The following RIF1 variants were observed in gnomAD, a reference collection of about 807,000 sequenced individuals.
RIF1 encodes telomere-associated protein RIF1.
RIF1 carries 45 observed loss-of-function variants against 247.1 expected under a neutral mutation model. The observed-to-expected ratio is 0.18, with a 90% CI of 0.14 to 0.23. The LOEUF (loss-of-function observed/expected upper bound fraction) is 0.23. RIF1 is among the 10% of genes least tolerant of loss of function. RIF1 has a pLI of 1.00. For missense variants in RIF1, 2,967 were observed against 2,862.5 expected (o/e 1.04, Z -0.83); for synonymous variants, 1,087 against 978.8 (o/e 1.11, Z -2.06).
In RIF1 at chr2:151,463,331, A is replaced by T. The variant is rs1696470370; in HGVS notation, c.3811A>T (p.Thr1271Ser). The T allele has an allele frequency of 6.2e-7, 1 of 1,613,762 alleles. No individual in the cohort carries two copies. Among genetic ancestry groups the T allele is most frequent in the African/African-American group, 1.3e-5 (1 of 74,924 alleles). ...ACCAAAAGCAAAGCAAAGAGAAGGG[A>T]CTTTTTCAAAATCTGATTCTGAAAA... is the stretch of plus-strand genomic sequence containing the variant. ...FLPKAKQREG[T>S]FSKSDSEKIV... is the part of the protein sequence containing the mutation. The change falls in exon 30 of 36, where the codon ACT becomes TCT. Residue 1271 changes from threonine to serine, a missense_variant. By Grantham distance (58) the Thr-to-Ser change is moderately conservative. Around this residue, in one of 7 missense-constraint regions of RIF1, gnomAD observed 2,028 missense variants for 1,825.6 expected, o/e 1.11. Transcript: ENST00000444746.
At chr2:151,434,203 C>A (rs2152322047) in intron 10 of RIF1, among the ~76,000 whole-genome samples, 1 of 151,474 alleles carries the variant, frequency 6.6e-6, no homozygotes, top group Admixed American at 6.6e-5. Context: ...AAGTGCTACA[C>A]TGGGTAGATA....
intron 9 of RIF1, chr2:151,491,864 G>A: frequency 9.0e-7 from 1 of 1,116,448 alleles, no homozygotes; most frequent in Non-Finnish European, 1.3e-6. Flanking sequence ...AACCACCAAA[G>A]GATTGAATCA....
the RIF1 span, chr2:151,527,502 C>T: frequency 1.2e-6 from 2 of 1,613,102 alleles, no homozygotes; most frequent in African/African-American, 2.7e-5. Flanking sequence ...GCAGGGATGA[C>T]TTGGCAGCCT....
Position 151,435,487 on chromosome 2 carries a change from A to C in RIF1, c.1102A>C (p.Thr368Pro). The C allele has an allele frequency of 6.2e-7, 1 of 1,610,844 alleles. No individual in the cohort carries two copies. The highest frequency in any genetic ancestry group is 8.5e-7 in the Non-Finnish European group (1 of 1,177,144). ...GGTTTGTGTGCCTCTGATTCAAAGT[A>C]CAATAAGCATTGATTCTAATGCCTC... ...EQVCVPLIQS[T>P]ISIDSNASPQ... Residue 368 changes from threonine to proline, a missense_variant, in exon 11 of 36, where the codon ACA (threonine) becomes CCA (proline). Thr to Pro is a conservative substitution (Grantham distance 38). Around this residue, in one of 7 missense-constraint regions of RIF1, gnomAD observed 369 missense variants for 322.0 expected, o/e 1.15. Transcript: ENST00000444746.
chr2:151,462,289 C>G lies in RIF1; in HGVS notation c.3275C>G (p.Thr1092Ser). 6.3e-7 allele frequency: 1 copy of G among 1,588,864 alleles called. No homozygotes were observed. ...MYNNLDVSQDTLFTQYSQEEP... is the reference protein window; with the variant it reads ...MYNNLDVSQDSLFTQYSQEEP... ...AATAATCTGGATGTTTCCCAAGATA[C>G]CTTATTTACTCAGTATAGTCAGGAA... The change falls in exon 28 of 36, where the codon ACC becomes AGC. Residue 1092 changes from threonine to serine, a missense_variant. Coordinates refer to ENST00000444746, the MANE Select transcript of RIF1 (RefSeq NM_018151.5).
At chr2:151,497,543 T>G in intron 10 of RIF1, 2 of 1,502,416 alleles carry the variant, frequency 1.3e-6, no homozygotes, top group Non-Finnish European at 1.8e-6. Flanking sequence ...CTTTAAAAAG[T>G]AGGATTAATA....
At chr2:151,474,819 G>T in intron 35 of RIF1, 38 bp from the exon 36 acceptor site, 1 of 1,187,410 alleles carries the variant, frequency 8.4e-7, no homozygotes, top group Non-Finnish European at 1.2e-6. Context: ...ATTTTTGTCT[G>T]GTATAGATTT....
the RIF1 span, chr2:151,529,320 G>A: frequency 6.4e-7 from 1 of 1,565,816 alleles, no homozygotes; most frequent in Admixed American, 1.7e-5. Context: ...TTCAGCTGTG[G>A]GAGGAAACAC....
At chr2:151,494,288 G>A (rs1559167623) in intron 9 of RIF1, 5 of 1,404,956 alleles carry the variant, frequency 3.6e-6, no homozygotes, top group Admixed American at 4.1e-5. Context: ...AAGCCAAAAA[G>A]AAAAAGAGTT....
intron 6 of RIF1, among the ~76,000 whole-genome samples, chr2:151,418,874 CA>C (rs572725777): frequency 4.8e-4 from 61 of 126,294 alleles, no homozygotes; most frequent in East Asian, 4.7e-4. Flanking sequence ...GACTTGGTCT[CA>C]AAAAAAAAAA....
chr2:151,419,819 T>G, intron 6 of RIF1, among the ~76,000 whole-genome samples: 1 of 152,186 alleles, frequency 6.6e-6, no homozygotes. Flanking sequence ...CTCATAATCT[T>G]ATGGGACCAC....
At chr2:151,516,626 G>T in the RIF1 span, 2 of 1,099,782 alleles carry the variant, frequency 1.8e-6, no homozygotes, top group Non-Finnish European at 2.7e-6. Flanking sequence ...GCAGTTTAAG[G>T]ATAGTATTTT....
chr2:151,414,751 A>T, intron 3 of RIF1, 72 bp from the exon 4 acceptor site: 2 of 1,015,994 alleles, frequency 2.0e-6, no homozygotes, highest in Non-Finnish European at 3.0e-6. Context: ...TTGTTCTGTA[A>T]TCAACTTCTG....
intron 9 of RIF1, among the ~76,000 whole-genome samples, chr2:151,431,831 A>AC (rs1258987547): frequency 1.3e-5 from 2 of 152,050 alleles, no homozygotes; most frequent in Admixed American, 1.3e-4. Context: ...AGAATAGGAG[A>AC]CCCCAAAAAG....
chr2:151,500,819 G>C (rs974269536), intron 11 of RIF1, among the ~76,000 whole-genome samples: 1 of 151,880 alleles, frequency 6.6e-6, no homozygotes, highest in Non-Finnish European at 1.5e-5. Flanking sequence ...GGCTGGTCTC[G>C]ACCTCCTGGG....
At chr2:151,486,138 C>T (rs1038923961), downstream of RIF1, 7 of 543,598 alleles carry the variant, frequency 1.3e-5, no homozygotes, top group African/African-American at 1.1e-4. Context: ...ATATCCAGAA[C>T]ATATGACGAA....
In RIF1 at chr2:151,466,074, G is replaced by T. The variant is rs1041974822; in HGVS notation, c.6554G>T (p.Gly2185Val). Residue 2185 changes from glycine (G) to valine (V), a missense_variant, in exon 30 of 36, where the codon GGA becomes GTA. Physicochemically the swap from Gly to Val is moderately radical, Grantham distance 109 (BLOSUM62 -3). Transcript: ENST00000444746. ...CCGTCTACGAGCATTTTAAAGAGAG[G>T]ACTAAAAAGATCCCAAGAAGATGAA... ...ASPSTSILKR[G>V]LKRSQEDEIS... The T allele has an allele frequency of 9.4e-6, 15 of 1,601,496 alleles. No individual in the cohort carries two copies. Among genetic ancestry groups the T allele is most frequent in the Non-Finnish European group, 1.3e-5 (15 of 1,172,970 alleles).
chr2:151,455,057 G>A lies in RIF1; in HGVS notation c.2507G>A (p.Gly836Asp). The change falls in exon 22 of 36, where the codon GGC becomes GAC. Residue 836 changes from glycine (G) to aspartate (D), a missense_variant. By Grantham distance (94) the Gly-to-Asp change is moderately conservative. Around this residue, in one of 7 missense-constraint regions of RIF1, gnomAD observed 2,028 missense variants for 1,825.6 expected, o/e 1.11. Transcript: ENST00000444746. ...TLFTIGNSIT[G>D]IISSVLGHIS... ...TTCACTATTGGCAACTCAATCACCG[G>A]CATTATTTCCAGTGTACTTGGGCAT... The A allele has an allele frequency of 6.2e-7, 1 of 1,613,744 alleles. No individual in the cohort carries two copies. Among genetic ancestry groups the A allele is most frequent in the Non-Finnish European group, 8.5e-7 (1 of 1,179,760 alleles).
At chr2:151,529,169 G>A in the RIF1 span, 11 of 1,362,096 alleles carry the variant, frequency 8.1e-6, no homozygotes, top group Admixed American at 5.1e-5. Flanking sequence ...ACAGAAGCTG[G>A]TAAATCCCCC....
Sources: allele counts gnomAD v4.1 joint callset (sites outside exome capture counted in the v4.1 genomes callset), GRCh38; gene constraint gnomAD v4.1.1; regional missense constraint gnomAD v4.1.1; transcripts MANE v1.5; gene names NCBI Gene and HGNC (gene_info 2026-07-23, HGNC 2026-07-21).